MBD5: variants seen among roughly 807,000 people sequenced by gnomAD.
MBD5 encodes methyl-CpG-binding domain protein 5.
A neutral mutation model predicts 117.3 loss-of-function variants in MBD5; 13 were observed. That is an observed-to-expected ratio of 0.11 (90% confidence interval 0.07 to 0.18). The LOEUF (loss-of-function observed/expected upper bound fraction) is 0.18, where lower values mean the gene tolerates loss of function less well. MBD5 is among the 10% of genes least tolerant of loss of function. The pLI is 1.00. For missense variants in MBD5, 1,879 were observed against 2,093.8 expected (o/e 0.90, Z 2.00); for synonymous variants, 727 against 766.4 (o/e 0.95, Z 0.85).
At chr2:148,098,831 G>T (rs1237963210) in intron 1 of MBD5, among the ~76,000 whole-genome samples, 3 of 152,066 alleles carry the variant, frequency 2.0e-5, no homozygotes, top group Non-Finnish European at 2.9e-5. Context: ...CTGGAGGATT[G>T]CTTGAACCCA....
chr2:148,463,672 A>C (rs1475763275), intron 6 of MBD5, 67 bp from the exon 7 acceptor site: 2 of 1,577,062 alleles, frequency 1.3e-6, no homozygotes, highest in Non-Finnish European at 1.7e-6. Context: ...TTTTTTTTTA[A>C]ACAAAGGGAT....
intron 1 of MBD5, among the ~76,000 whole-genome samples, chr2:148,065,147 A>T (rs1204662577): frequency 6.6e-6 from 1 of 152,130 alleles, no homozygotes; most frequent in Non-Finnish European, 1.5e-5. Flanking sequence ...CTTTATCCAC[A>T]GTCTTAAATA....
At chr2:148,428,853 A>T (rs1227155550) in intron 4 of MBD5, among the ~76,000 whole-genome samples, 1 of 152,226 alleles carries the variant, frequency 6.6e-6, no homozygotes, top group Admixed American at 6.5e-5. Flanking sequence ...CTCAAGATGG[A>T]TTAAAGACTT....
At chr2:148,151,265 A>G (rs1352633098) in intron 1 of MBD5, among the ~76,000 whole-genome samples, 1 of 151,896 alleles carries the variant, frequency 6.6e-6, no homozygotes, top group Non-Finnish European at 1.5e-5. Flanking sequence ...CATATATTGA[A>G]CCAGCCTTGC....
chr2:148,095,728 AG>A (rs1696052674), intron 1 of MBD5, among the ~76,000 whole-genome samples: 1 of 136,768 alleles, frequency 7.3e-6, no homozygotes, highest in African/African-American at 2.5e-5. Context: ...ATTCTGAGTT[AG>A]TTTTTTTTTT....
At chr2:148,073,598 A>G (rs1695417566) in intron 1 of MBD5, among the ~76,000 whole-genome samples, 1 of 152,192 alleles carries the variant, frequency 6.6e-6, no homozygotes, top group African/African-American at 2.4e-5. Context: ...CATACATACA[A>G]GTAAAAGTTA....
intron 7 of MBD5, among the ~76,000 whole-genome samples, chr2:148,467,027 A>G (rs571327775): frequency 6.6e-6 from 1 of 152,296 alleles, no homozygotes; most frequent in African/African-American, 2.4e-5. Context: ...CTACTTGCTA[A>G]TGTAAGTCTC....
intron 1 of MBD5, among the ~76,000 whole-genome samples, chr2:148,160,913 C>T (rs1408022919): frequency 1.3e-5 from 2 of 151,862 alleles, no homozygotes; most frequent in Admixed American, 1.3e-4. Context: ...CTTAAAACAC[C>T]CAAGAGTACC....
At chr2:148,048,315 C>G (rs949487597) in intron 1 of MBD5, among the ~76,000 whole-genome samples, 1 of 152,058 alleles carries the variant, frequency 6.6e-6, no homozygotes, top group African/African-American at 2.4e-5. Flanking sequence ...GTTTCCCACC[C>G]ATTTATTTAA....
At chr2:148,261,439 G>A (rs1263715524) in intron 3 of MBD5, among the ~76,000 whole-genome samples, 1 of 152,158 alleles carries the variant, frequency 6.6e-6, no homozygotes, top group Non-Finnish European at 1.5e-5. Flanking sequence ...TGTGGAGATG[G>A]CTTCTTTTCT....
intron 4 of MBD5, among the ~76,000 whole-genome samples, chr2:148,397,532 T>C (rs1463553035): frequency 1.3e-5 from 2 of 152,090 alleles, no homozygotes; most frequent in East Asian, 3.9e-4. Context: ...GGTTTCACCA[T>C]GTTAGCCAGT....
At chr2:148,499,056 G>C (rs1234578900) in intron 11 of MBD5, among the ~76,000 whole-genome samples, 1 of 152,104 alleles carries the variant, frequency 6.6e-6, no homozygotes, top group Non-Finnish European at 1.5e-5. Flanking sequence ...ACTTTTGGAG[G>C]CTACGGCAAG....
intron 4 of MBD5, among the ~76,000 whole-genome samples, chr2:148,402,930 T>C (rs1704966836): frequency 6.6e-6 from 1 of 152,024 alleles, no homozygotes; most frequent in South Asian, 2.1e-4. Flanking sequence ...CCACTGATAA[T>C]TCTATTCATT....
At chr2:148,301,823 T>C (rs1701780399) in intron 3 of MBD5, among the ~76,000 whole-genome samples, 1 of 152,182 alleles carries the variant, frequency 6.6e-6, no homozygotes, top group Admixed American at 6.5e-5. Flanking sequence ...AACTCTGCCA[T>C]TTTGCTTCTT....
At chr2:148,053,129 A>G (rs7569780) in intron 1 of MBD5, among the ~76,000 whole-genome samples, 64,345 of 151,726 alleles carry the variant, frequency 0.42, 13,853 homozygotes, top group Middle Eastern at 0.55. Context: ...GAAGATGCCA[A>G]CTGTTATTGT....
At chr2:148,292,377 T>C (rs1482523618) in intron 3 of MBD5, among the ~76,000 whole-genome samples, 1 of 152,102 alleles carries the variant, frequency 6.6e-6, no homozygotes, top group Admixed American at 6.5e-5. Context: ...GGAAAAATAA[T>C]CTAACAATAC....
At chr2:148,110,932 A>T (rs908159036) in intron 1 of MBD5, among the ~76,000 whole-genome samples, 1 of 151,658 alleles carries the variant, frequency 6.6e-6, no homozygotes, top group African/African-American at 2.4e-5. Flanking sequence ...ATAGCTTCTG[A>T]TTCTTGTTTC....
At chr2:148,127,795 G>A (rs562340707) in intron 1 of MBD5, among the ~76,000 whole-genome samples, 6 of 152,176 alleles carry the variant, frequency 3.9e-5, no homozygotes, top group African/African-American at 1.4e-4. Flanking sequence ...CTAGATCTTT[G>A]AGGAATCACC....
At chr2:148,463,396 G>A (rs1707158326) in intron 6 of MBD5, among the ~76,000 whole-genome samples, 1 of 152,088 alleles carries the variant, frequency 6.6e-6, no homozygotes, top group Admixed American at 6.6e-5. Flanking sequence ...AAATATCATA[G>A]CTTTTTGTTT....
Sources: gnomAD v4.1 joint callset for allele counts (sites outside exome capture counted in the v4.1 genomes callset) on GRCh38, gnomAD v4.1.1 for gene constraint, MANE v1.5 for transcripts, NCBI Gene and HGNC (gene_info 2026-07-23, HGNC 2026-07-21) for gene names.